Variants in TRIM29 observed in about 807,000 individuals in gnomAD.
TRIM29 encodes the protein tripartite motif containing 29.
TRIM29 carries 52 observed loss-of-function variants against 57.3 expected under a neutral mutation model. The ratio of observed to expected loss-of-function variants is 0.91; its 90% confidence interval spans 0.73 to 1.14. The LOEUF (loss-of-function observed/expected upper bound fraction) is 1.14. TRIM29 is among the 50% of genes most tolerant of loss of function. TRIM29 has a pLI of 0.00. For missense variants in TRIM29, 753 were observed against 774.6 expected (o/e 0.97, Z 0.33); for synonymous variants, 319 against 316.9 (o/e 1.01, Z -0.07).
At position 120,115,346 on chromosome 11, in the gene TRIM29, T is replaced by C. The variant is rs757877247; in HGVS notation, c.1696A>G (p.Thr566Ala). The C allele has an allele frequency of 7.4e-6, 12 of 1,613,384 alleles. No individual in the cohort carries two copies. The highest frequency in any genetic ancestry group is 1.0e-5 in the Non-Finnish European group (12 of 1,179,836). Residue 566 changes from threonine (T) to alanine (A), a missense_variant, in exon 8 of 9, where the codon ACT (threonine) becomes GCT (alanine). Thr to Ala is a moderately conservative substitution (Grantham distance 58). Transcript: ENST00000341846. ...QPQTWKSGKQ[T>A]MLSHYRPFYV... ...GGCAGCACTTCCCTTACCAGCATAG[T>C]CTGCTTGCCAGATTTCCAAGTCTGG... is the stretch of plus-strand genomic sequence containing the variant.
intron 1 of TRIM29, among the ~76,000 whole-genome samples, chr11:120,132,652 G>A (rs1283584973): frequency 1.3e-5 from 2 of 152,230 alleles, no homozygotes; most frequent in Admixed American, 6.5e-5. Flanking sequence ...ACTGGCTCCA[G>A]GGAGGAGAGG....
intron 4 of TRIM29, chr11:120,125,319 A>T (rs1040113466): frequency 3.8e-6 from 1 of 264,198 alleles, no homozygotes; most frequent in African/African-American, 2.2e-5. Context: ...CCAGTTTGGA[A>T]TCTGGCCCAT....
intron 1 of TRIM29, among the ~76,000 whole-genome samples, chr11:120,136,281 A>G (rs1294606076): frequency 6.6e-6 from 1 of 152,246 alleles, no homozygotes; most frequent in Non-Finnish European, 1.5e-5. Flanking sequence ...ACCAAGCATC[A>G]TAGCTTAACC....
chr11:120,126,160 G>C, intron 3 of TRIM29: 2 of 425,552 alleles, frequency 4.7e-6, no homozygotes, highest in South Asian at 8.8e-5. Context: ...GGGTTTATGA[G>C]AGGGACACAA....
Position 120,120,656 on chromosome 11 carries a change from C to A in TRIM29, c.1445G>T (p.Arg482Leu). 10 of 1,613,706 alleles carry A rather than the reference C, an allele frequency of 6.2e-6. No individual in the cohort carries two copies. The highest frequency in any genetic ancestry group is 8.5e-6 in the Non-Finnish European group (10 of 1,179,954). The change falls in exon 6 of 9, where the codon CGG becomes CTG. Residue 482 changes from arginine to leucine, a missense_variant. By Grantham distance (102) the Arg-to-Leu change is moderately radical. Transcript: ENST00000341846. ...SMYLTPKGGV[R>L]TSYQPSSPGR... is the part of the protein sequence containing the mutation. Reference sequence around the variant, plus strand: ...AGGAGACGAGGGCTGGTATGATGTCCGGACCCCACCTGTGAAGCAGATGAA... The same window carrying A: ...AGGAGACGAGGGCTGGTATGATGTCAGGACCCCACCTGTGAAGCAGATGAA...
At chr11:120,114,443 G>T (rs925692794) in intron 8 of TRIM29, among the ~76,000 whole-genome samples, 2 of 152,166 alleles carry the variant, frequency 1.3e-5, no homozygotes. Flanking sequence ...GTGGTCCAGG[G>T]CAAATCACCT....
chr11:120,118,217 G>GCTCA lies in TRIM29; in HGVS notation c.1627+2_1627+5dup. 6.2e-7 allele frequency: 1 copy of GCTCA among 1,613,646 alleles called. No homozygotes were observed. The highest frequency in any genetic ancestry group is 8.5e-7 in the Non-Finnish European group (1 of 1,179,720). On this transcript the variant is annotated splice_donor_region_variant and intron_variant, in intron 7 of 8. Coordinates refer to ENST00000341846, the MANE Select transcript of TRIM29 (RefSeq NM_012101.4). ...GGAAAGCAGGGGCCAGGGTGGGCAAGCTCACCTTTCAGGGAGAAGGAGGAG... is the reference window on the plus strand; with the variant it reads ...GGAAAGCAGGGGCCAGGGTGGGCAAGCTCACTCACCTTTCAGGGAGAAGGAGGAG...
chr11:120,133,002 C>G (rs1041084082), intron 1 of TRIM29, among the ~76,000 whole-genome samples: 2 of 152,172 alleles, frequency 1.3e-5, no homozygotes, highest in Non-Finnish European at 2.9e-5. Flanking sequence ...GTTAGCACCC[C>G]CCTCAGTCTC....
intron 4 of TRIM29, among the ~76,000 whole-genome samples, chr11:120,123,631 C>T (rs1055448820): frequency 1.3e-5 from 2 of 152,202 alleles, no homozygotes; most frequent in Admixed American, 6.5e-5. Context: ...AACTGCAGAC[C>T]CCCTAACTCA....
At chr11:120,112,580 A>G in intron 8 of TRIM29, 104 bp from the exon 9 acceptor site, 1 of 1,254,702 alleles carries the variant, frequency 8.0e-7, no homozygotes. Flanking sequence ...GTGATCCAAG[A>G]CCCGACAATT....
intron 1 of TRIM29, chr11:120,128,831 T>C: frequency 6.6e-7 from 1 of 1,513,966 alleles, no homozygotes; most frequent in South Asian, 1.2e-5. Flanking sequence ...GTGCTTGCCC[T>C]TTTCAGTGGA....
rs752808350 is a variant in TRIM29, at chr11:120,112,523, C to T, written c.1705-47G>A. The T allele has an allele frequency of 3.7e-6, 6 of 1,606,956 alleles. No individual in the cohort carries two copies. In the Admixed American group the frequency reaches 1.0e-4, roughly 27 times the overall value. On this transcript the variant is annotated intron_variant, in intron 8 of 8. Transcript: ENST00000341846. ...TCAGCGAGGCCAGACGACAGATGAG[C>T]CTGCTAGCTAGACCCACCCTACCCT...
At chr11:120,115,285 C>G (rs1215479871) in intron 8 of TRIM29, 53 bp downstream of exon 8, 2 of 1,575,384 alleles carry the variant, frequency 1.3e-6, no homozygotes, top group Non-Finnish European at 1.7e-6. Flanking sequence ...GAGCCCCCTT[C>G]AGTGCCCAGG....
chr11:120,125,599 C>T, intron 4 of TRIM29, 92 bp downstream of exon 4: 1 of 1,404,974 alleles, frequency 7.1e-7, no homozygotes, highest in South Asian at 1.3e-5. Flanking sequence ...TGAGAAGAAG[C>T]TCACTGGAGG....
chr11:120,121,797 A>C (rs1420639778), intron 5 of TRIM29: 4 of 337,196 alleles, frequency 1.2e-5, no homozygotes, highest in Non-Finnish European at 2.4e-5. Context: ...GACCCGCAGG[A>C]GCCTGTCAGG....
At chr11:120,115,261 C>A in intron 8 of TRIM29, 77 bp downstream of exon 8, 1 of 1,450,790 alleles carries the variant, frequency 6.9e-7, no homozygotes, top group South Asian at 1.2e-5. Flanking sequence ...GCCCTGGAAC[C>A]GATTGCCTCC....
At chr11:120,118,405 C>G (rs1863339852) in intron 6 of TRIM29, 84 bp from the exon 7 acceptor site, 1 of 1,035,846 alleles carries the variant, frequency 9.7e-7, no homozygotes, top group Non-Finnish European at 1.4e-6. Flanking sequence ...AGGTCTATGA[C>G]TCTCTAGCCG....
At chr11:120,117,213 A>C (rs1863293614) in intron 7 of TRIM29, 1 of 208,076 alleles carries the variant, frequency 4.8e-6, no homozygotes, top group Non-Finnish European at 9.8e-6. Flanking sequence ...AGAGAGCAGA[A>C]AGGCGCCTGC....
At chr11:120,119,033 T>C (rs1386071252) in intron 6 of TRIM29, among the ~76,000 whole-genome samples, 1 of 152,170 alleles carries the variant, frequency 6.6e-6, no homozygotes, top group African/African-American at 2.4e-5. Context: ...GTATGGTTGA[T>C]GGATAGAATG....
Sources: gnomAD v4.1 joint callset for allele counts (sites outside exome capture counted in the v4.1 genomes callset) on GRCh38, gnomAD v4.1.1 for gene constraint, MANE v1.5 for transcripts, NCBI Gene and HGNC (gene_info 2026-07-23, HGNC 2026-07-21) for gene names.